Variants in FAF1 observed in about 807,000 individuals in gnomAD.
The protein encoded by FAF1 is FAS-associated factor 1.
Under a neutral mutation model 92.5 loss-of-function variants are expected in FAF1, and 25 were observed. The ratio of observed to expected loss-of-function variants is 0.27; its 90% CI spans 0.20 to 0.38. The LOEUF (loss-of-function observed/expected upper bound fraction) is 0.38. FAF1 is among the 10% of genes least tolerant of loss of function. The probability of loss-of-function intolerance (pLI) is 1.00; values close to 1 mark genes in which losing one functional copy is unlikely to be tolerated. For missense variants in FAF1, 636 were observed against 793.3 expected, an observed-to-expected ratio of 0.80 and a Z score of 2.38; for synonymous variants, 234 against 273.2, an observed-to-expected ratio of 0.86 and a Z score of 1.42.
intron 5 of FAF1, among the ~76,000 whole-genome samples, chr1:50,739,440 A>G (rs1193769310): frequency 6.6e-6 from 1 of 152,140 alleles, no homozygotes; most frequent in African/African-American, 2.4e-5. Context: ...GTGTGTATAT[A>G]TGTGTATACA....
chr1:50,723,651 C>CT (rs1350898487), intron 6 of FAF1, among the ~76,000 whole-genome samples: 1 of 152,118 alleles, frequency 6.6e-6, no homozygotes, highest in African/African-American at 2.4e-5. Context: ...GTGGCTCACA[C>CT]TTATAATCCC....
At chr1:50,740,698 GA>G (rs948853828) in intron 5 of FAF1, among the ~76,000 whole-genome samples, 1 of 151,794 alleles carries the variant, frequency 6.6e-6, no homozygotes, top group Non-Finnish European at 1.5e-5. Context: ...TCCATAGTTT[GA>G]AAAAAACATT....
intron 18 of FAF1, among the ~76,000 whole-genome samples, chr1:50,472,853 T>C (rs115071227): frequency 4.5e-4 from 68 of 152,326 alleles, no homozygotes; most frequent in African/African-American, 1.6e-3. Context: ...TGTTACAGAA[T>C]AGCCTTGCAA....
intron 1 of FAF1, among the ~76,000 whole-genome samples, chr1:50,874,322 C>A (rs922986397): frequency 5.9e-5 from 9 of 151,840 alleles, no homozygotes; most frequent in Non-Finnish European, 1.3e-4. Context: ...CCCTGGTATA[C>A]CCTCCATCAA....
chr1:50,615,114 A>G, intron 8 of FAF1, among the ~76,000 whole-genome samples: 1 of 152,064 alleles, frequency 6.6e-6, no homozygotes, highest in East Asian at 1.9e-4. Context: ...TTTAGCTCCC[A>G]CTTGTAAGTG....
At chr1:50,890,269 T>C (rs1644707843) in intron 1 of FAF1, among the ~76,000 whole-genome samples, 1 of 152,194 alleles carries the variant, frequency 6.6e-6, no homozygotes, top group Non-Finnish European at 1.5e-5. Context: ...GCACGTGAGA[T>C]GGGTTTCCTG....
intron 17 of FAF1, among the ~76,000 whole-genome samples, chr1:50,478,398 A>G (rs1200502591): frequency 6.6e-6 from 1 of 152,084 alleles, no homozygotes; most frequent in Admixed American, 6.5e-5. Context: ...CCTGACCTCA[A>G]GTGATCCATC....
At chr1:50,611,845 C>T (rs1446056288) in intron 8 of FAF1, among the ~76,000 whole-genome samples, 1 of 152,178 alleles carries the variant, frequency 6.6e-6, no homozygotes, top group East Asian at 1.9e-4. Context: ...TCCCCACATA[C>T]CCACACACGT....
chr1:50,582,971 C>G (rs1439289908), intron 11 of FAF1, among the ~76,000 whole-genome samples: 1 of 152,000 alleles, frequency 6.6e-6, no homozygotes, highest in Non-Finnish European at 1.5e-5. Flanking sequence ...TAAGAAGAAA[C>G]TCTTGGTTAC....
chr1:50,666,291 C>G (rs1164939738), intron 7 of FAF1, among the ~76,000 whole-genome samples: 1 of 152,108 alleles, frequency 6.6e-6, no homozygotes, highest in Non-Finnish European at 1.5e-5. Context: ...CAGCTCACTG[C>G]AGCCTGGATC....
At chr1:50,565,615 A>G (rs1290010761) in intron 13 of FAF1, among the ~76,000 whole-genome samples, 1 of 152,112 alleles carries the variant, frequency 6.6e-6, no homozygotes, top group Non-Finnish European at 1.5e-5. Flanking sequence ...AGTAAAACAT[A>G]ACAAAGCAAT....
Position 50,755,391 on chromosome 1 carries a change from T to C in FAF1, c.368-10616A>G, listed in dbSNP as rs139006724. Among the ~76,000 whole-genome samples the C allele has an allele frequency of 4.3e-3, 653 of 152,290 alleles. 4 individuals carry two copies. The highest frequency in any genetic ancestry group is 0.031 in the Middle Eastern group (9 of 294). On this transcript the variant is annotated intron_variant, in intron 4 of 18. Transcript: ENST00000396153. ...CTCCAAGTCTCACATCTAGGTCACA[T>C]TGATGCAAGAGGTGGCCTCCCATGG...
At chr1:50,765,141 T>A (rs1238472536) in intron 4 of FAF1, among the ~76,000 whole-genome samples, 1 of 152,186 alleles carries the variant, frequency 6.6e-6, no homozygotes, top group Non-Finnish European at 1.5e-5. Context: ...AGAAAAAAGG[T>A]CTAACTCAAA....
rs528740016 is a variant in FAF1, at chr1:50,837,402, T to G, written c.114+20527A>C. Among the ~76,000 whole-genome samples, 16 of 152,350 alleles carry G rather than the reference T, an allele frequency of 1.1e-4. No homozygotes were observed. In the South Asian group the frequency reaches 1.2e-3, roughly 12 times the overall value. On this transcript the variant is annotated intron_variant, in intron 2 of 18. Transcript: ENST00000396153. ...TTGCTTTACATGCCACTAACAATTTTAAACTATTTTATAGAATAACCTCCA... is the reference window on the plus strand; with the variant it reads ...TTGCTTTACATGCCACTAACAATTTGAAACTATTTTATAGAATAACCTCCA...
intron 7 of FAF1, among the ~76,000 whole-genome samples, chr1:50,682,700 C>T (rs1331385925): frequency 1.3e-5 from 2 of 152,110 alleles, no homozygotes; most frequent in Non-Finnish European, 2.9e-5. Flanking sequence ...TTGAAAGTAA[C>T]TTCAGGTACT....
rs1646146477 is a variant in FAF1 at position 50,438,747 on chromosome 1, T to C, written c.*2693A>G. ...GATGTTATTATGTGACTAATATGTT[T>C]CTAATGTCAGCAGCAAGTAAAATCT... is the stretch of plus-strand genomic sequence containing the variant. On this transcript the variant is annotated 3_prime_UTR_variant, in exon 19 of 19. Transcript: ENST00000396153. 1 of 152,236 alleles carries C rather than the reference T, an allele frequency of 6.6e-6. No individual in the cohort carries two copies. The highest frequency in any genetic ancestry group is 2.4e-5 in the African/African-American group (1 of 41,456). The allele number at this position is 152,236 out of a possible 1,614,324, so 9.4% of individuals were successfully genotyped here. A position where few individuals can be genotyped will look rare whatever the true frequency, so the allele number is the denominator to read the frequency against.
At chr1:50,481,502 T>C (rs1435900680) in intron 17 of FAF1, among the ~76,000 whole-genome samples, 1 of 152,222 alleles carries the variant, frequency 6.6e-6, no homozygotes, top group Non-Finnish European at 1.5e-5. Flanking sequence ...ATTTGTAGCC[T>C]AGGAGCAACA....
At chr1:50,694,735 C>G (rs2124401966) in intron 7 of FAF1, among the ~76,000 whole-genome samples, 1 of 145,566 alleles carries the variant, frequency 6.9e-6, no homozygotes, top group East Asian at 2.0e-4. Context: ...CACCTGAGGT[C>G]AGGAGTTCGA....
intron 8 of FAF1, among the ~76,000 whole-genome samples, chr1:50,619,851 A>T (rs1003887726): frequency 6.7e-6 from 1 of 150,364 alleles, no homozygotes; most frequent in Non-Finnish European, 1.5e-5. Context: ...CAAGTTGCTT[A>T]TTCTCTCTCC....
Sources: gnomAD v4.1 joint callset for allele counts (sites outside exome capture counted in the v4.1 genomes callset) on GRCh38, gnomAD v4.1.1 for gene constraint, MANE v1.5 for transcripts, NCBI Gene and HGNC (gene_info 2026-07-23, HGNC 2026-07-21) for gene names.